LRP1B: variants seen among roughly 807,000 people sequenced by gnomAD.
LRP1B encodes LDL receptor related protein 1B, also known as low-density lipoprotein receptor-related protein 1B.
Under a neutral mutation model 556.6 loss-of-function variants are expected in LRP1B, and 217 were observed. The observed-to-expected ratio is 0.39, with a 90% CI of 0.35 to 0.44. The LOEUF (loss-of-function observed/expected upper bound fraction) is 0.44, where lower values mean the gene tolerates loss of function less well. LRP1B is among the 20% of genes least tolerant of loss of function. The pLI is 1.00. For missense variants in LRP1B, 5,053 were observed against 5,620.8 expected, an observed-to-expected ratio of 0.90 and a Z score of 3.23; for synonymous variants, 2,047 against 1,865.8, an observed-to-expected ratio of 1.10 and a Z score of -2.50.
intron 11 of LRP1B, among the ~76,000 whole-genome samples, chr2:141,025,685 T>C (rs893867264): frequency 6.6e-6 from 1 of 152,092 alleles, no homozygotes; most frequent in Non-Finnish European, 1.5e-5. Flanking sequence ...TTTTGGACTT[T>C]CCAGTTCCCA....
rs1681919149 is a variant in LRP1B at position 140,350,738 on chromosome 2, T to C, written c.11892+59A>G. 2.6e-6 allele frequency: 4 copies of C among 1,518,264 alleles called. No homozygotes were observed. The Admixed American group carries it at 6.5e-5, about 25-fold the overall frequency. The allele number at this position is 1,518,264 out of a possible 1,614,324, so 94.0% of individuals were successfully genotyped here. ...TAGATATTATATTAGATAAATTTTG[T>C]TTAAAAAGCAGGTGGGGAAAAGGTA... is the stretch of plus-strand genomic sequence containing the variant. On this transcript the variant is annotated intron_variant, in intron 77 of 90. Transcript: ENST00000389484.
intron 37 of LRP1B, among the ~76,000 whole-genome samples, chr2:140,708,794 GC>G (rs1686932036): frequency 2.6e-5 from 4 of 151,820 alleles, no homozygotes; most frequent in Admixed American, 2.6e-4. Flanking sequence ...GCTGCCCAGA[GC>G]CTATACTTCT....
intron 3 of LRP1B, among the ~76,000 whole-genome samples, chr2:141,405,672 C>T (rs1269567531): frequency 6.6e-6 from 1 of 151,986 alleles, no homozygotes; most frequent in Non-Finnish European, 1.5e-5. Flanking sequence ...TATTATTTTG[C>T]TGGTACAATA....
chr2:141,617,373 G>C (rs1269451881), intron 2 of LRP1B, among the ~76,000 whole-genome samples: 1 of 152,154 alleles, frequency 6.6e-6, no homozygotes, highest in Non-Finnish European at 1.5e-5. Flanking sequence ...ACTTATGTGA[G>C]CATTTTTATT....
chr2:141,466,950 G>GATATATATATATATATATATATATATAT (rs59093011), intron 3 of LRP1B, among the ~76,000 whole-genome samples: 205 of 140,756 alleles, frequency 1.5e-3, no homozygotes, highest in South Asian at 5.8e-3. Flanking sequence ...GTGCTCAGGG[G>GATATATATATATATATATATATATATAT]ATATATATAT....
intron 17 of LRP1B, among the ~76,000 whole-genome samples, chr2:140,984,449 A>G (rs1696861506): frequency 6.6e-6 from 1 of 152,116 alleles, no homozygotes; most frequent in Non-Finnish European, 1.5e-5. Flanking sequence ...GGCCTGTAAT[A>G]AGAATATATT....
chr2:141,729,176 T>C (rs1693167496), intron 2 of LRP1B, among the ~76,000 whole-genome samples: 1 of 152,112 alleles, frequency 6.6e-6, no homozygotes. Flanking sequence ...CTGGAACCTG[T>C]TTTTACCATG....
In LRP1B at chr2:140,540,545, A is replaced by G. The variant is rs528255320; in HGVS notation, c.7513+428T>C. 7.9e-5 allele frequency among the ~76,000 whole-genome samples: 12 copies of G among 152,246 alleles called. No individual in the cohort carries two copies. In the South Asian group the frequency reaches 2.5e-3, roughly 32 times the overall value. On this transcript the variant is annotated intron_variant, in intron 45 of 90. Transcript: ENST00000389484. The stretch of plus-strand genomic sequence containing the variant: ...TGATTACACATAAGCTGCATGAGCC[A>G]TTCTCTCTCATTTACATACTATGAT...
chr2:140,542,909 G>C (rs1680191192), intron 43 of LRP1B, among the ~76,000 whole-genome samples: 1 of 152,124 alleles, frequency 6.6e-6, no homozygotes, highest in Non-Finnish European at 1.5e-5. Context: ...AAGAACCACA[G>C]GAAAGAATTA....
chr2:141,116,104 GTTTAT>G (rs1159283940), intron 7 of LRP1B, among the ~76,000 whole-genome samples: 2 of 151,944 alleles, frequency 1.3e-5, no homozygotes, highest in Non-Finnish European at 2.9e-5. Context: ...ATAGCAGTAT[GTTTAT>G]TTTGACAATG....
intron 67 of LRP1B, among the ~76,000 whole-genome samples, chr2:140,381,167 G>C (rs556467099): frequency 7.3e-5 from 11 of 151,628 alleles, no homozygotes; most frequent in African/African-American, 1.2e-4. Flanking sequence ...ATGTAATTTA[G>C]TTACCACGGA....
intron 2 of LRP1B, among the ~76,000 whole-genome samples, chr2:141,520,048 A>C (rs996214663): frequency 6.6e-6 from 1 of 152,182 alleles, no homozygotes; most frequent in African/African-American, 2.4e-5. Context: ...ACCCACTTGA[A>C]CCATACAGCT....
intron 5 of LRP1B, among the ~76,000 whole-genome samples, chr2:141,238,158 T>A (rs1012399389): frequency 1.1e-4 from 16 of 152,162 alleles, no homozygotes; most frequent in African/African-American, 3.1e-4. Flanking sequence ...TAGCAGACAG[T>A]CCAGTGATGG....
intron 66 of LRP1B, among the ~76,000 whole-genome samples, chr2:140,425,982 T>C (rs1414556965): frequency 2.0e-5 from 3 of 151,996 alleles, no homozygotes; most frequent in Non-Finnish European, 2.9e-5. Flanking sequence ...GTTCATTAAT[T>C]TGTTAAATAA....
intron 83 of LRP1B, among the ~76,000 whole-genome samples, chr2:140,301,444 A>G (rs1343694852): frequency 6.6e-6 from 1 of 152,206 alleles, no homozygotes; most frequent in South Asian, 2.1e-4. Flanking sequence ...GAGTCTGTCT[A>G]TTTGTACAAA....
intron 86 of LRP1B, among the ~76,000 whole-genome samples, chr2:140,267,958 G>A (rs1194336131): frequency 2.0e-5 from 3 of 151,672 alleles, no homozygotes; most frequent in South Asian, 2.1e-4. Context: ...AAAAATCAAC[G>A]TGGGCTGCTA....
chr2:141,758,625 T>G (rs113597721), intron 2 of LRP1B, among the ~76,000 whole-genome samples: 9,357 of 152,162 alleles, frequency 0.061, 389 homozygotes, highest in Admixed American at 0.15. Flanking sequence ...GAGTATTGAT[T>G]GCTTGTTACA....
intron 3 of LRP1B, among the ~76,000 whole-genome samples, chr2:141,274,331 C>G (rs1685202434): frequency 6.6e-6 from 1 of 151,820 alleles, no homozygotes; most frequent in African/African-American, 2.4e-5. Context: ...AATAGGTAAA[C>G]AAAAAGAGGT....
intron 3 of LRP1B, among the ~76,000 whole-genome samples, chr2:141,414,145 G>A (rs1390630290): frequency 6.6e-6 from 1 of 151,390 alleles, no homozygotes; most frequent in Non-Finnish European, 1.5e-5. Context: ...ACTGAGGCAG[G>A]AGAATGGCGT....
Sources: gnomAD v4.1 joint callset for allele counts (sites outside exome capture counted in the v4.1 genomes callset) on GRCh38, gnomAD v4.1.1 for gene constraint, MANE v1.5 for transcripts, NCBI Gene and HGNC (gene_info 2026-07-23, HGNC 2026-07-21) for gene names.